GGNBP2: variants seen among roughly 807,000 people sequenced by gnomAD.
GGNBP2 encodes the protein gametogenetin-binding protein 2.
In GGNBP2, 10 loss-of-function variants were observed where a neutral mutation model predicts 85.9. The observed-to-expected ratio is 0.12, with a 90% CI of 0.07 to 0.20. GGNBP2 has a LOEUF of 0.20. GGNBP2 is among the 10% of genes least tolerant of loss of function. The probability of loss-of-function intolerance (pLI) is 1.00; values close to 1 mark genes in which losing one functional copy is unlikely to be tolerated. For synonymous variants in GGNBP2, 287 were observed against 285.7 expected (o/e 1.00, Z -0.05); for missense variants, 595 against 857.8 (o/e 0.69, Z 3.83).
chr17:36,558,070 C>T (rs2074380289), intron 4 of GGNBP2, among the ~76,000 whole-genome samples: 1 of 151,270 alleles, frequency 6.6e-6, no homozygotes, highest in African/African-American at 2.4e-5. Context: ...CGAGATCACG[C>T]CACTGCAGTC....
At chr17:36,577,688 G>A (rs991137375) in intron 6 of GGNBP2, 6 of 414,198 alleles carry the variant, frequency 1.4e-5, no homozygotes, top group Non-Finnish European at 2.2e-5. Flanking sequence ...CTAGTTCTTG[G>A]CAACTAATAC....
intron 6 of GGNBP2, chr17:36,574,663 GGC>G: frequency 1.7e-6 from 1 of 601,854 alleles, no homozygotes; most frequent in East Asian, 2.9e-5. Context: ...TGTAGCCCCT[GGC>G]TAAGGTGTAG....
chr17:36,574,982 TG>T (rs770297100), intron 6 of GGNBP2: 151 of 1,522,722 alleles, frequency 9.9e-5, no homozygotes, highest in Non-Finnish European at 1.3e-4. Context: ...CCTGGTGCGC[TG>T]GCCGGCACGG....
chr17:36,574,996 C>T (rs1555607464), intron 6 of GGNBP2: 3 of 1,532,008 alleles, frequency 2.0e-6, no homozygotes, highest in Non-Finnish European at 2.6e-6. Flanking sequence ...CGGCACGGGT[C>T]TGCTTCTGCA....
intron 6 of GGNBP2, among the ~76,000 whole-genome samples, chr17:36,570,088 C>A (rs2074508063): frequency 6.6e-6 from 1 of 152,098 alleles, no homozygotes. Flanking sequence ...TTCTTTAAAA[C>A]AAACATAGGC....
In GGNBP2 at chr17:36,545,638, GGCAGCGGCGGCGGCAGAAACA is replaced by G. The variant is rs1366786146; in HGVS notation, c.-72_-52del. 2.8e-5 allele frequency: 29 copies of G among 1,025,480 alleles called. No homozygotes were observed. The highest frequency in any genetic ancestry group is 5.2e-5 in the East Asian group (2 of 38,200). The allele number at this position is 1,025,480 out of a possible 1,614,324, so 63.5% of individuals were successfully genotyped here. ...TTGCAGGCAGGAGCTGGGAGGAGGC[GGCAGCGGCGGCGGCAGAAACA>G]GCAGCGGCGGCGGCGGCGGCAGCTG... On this transcript the variant is annotated 5_prime_UTR_variant, in exon 2 of 14. Coordinates refer to ENST00000613102, the MANE Select transcript of GGNBP2 (RefSeq NM_024835.5).
At chr17:36,587,930 C>T (rs2074719166) in intron 13 of GGNBP2, among the ~76,000 whole-genome samples, 2 of 152,160 alleles carry the variant, frequency 1.3e-5, no homozygotes. Context: ...AAGTCAGGAC[C>T]ATCTGTAGTT....
rs2074702233 is a variant in GGNBP2, at chr17:36,586,382, C to T, written c.1641+184C>T. On this transcript the variant is annotated intron_variant, in intron 12 of 13. Transcript: ENST00000613102. ...GGTTGGGGGCAGAGAGAGATGTGAT[C>T]ATTTGTGCAACAGTCCTTGTGAGTC... The T allele has an allele frequency of 6.3e-6, 4 of 632,766 alleles. No individual in the cohort carries two copies. In the East Asian group the frequency reaches 1.1e-4, roughly 18 times the overall value. 39.2% of individuals were successfully genotyped at this position (632,766 alleles called of 1,614,324 possible).
chr17:36,563,338 A>G (rs1042641317), intron 5 of GGNBP2, among the ~76,000 whole-genome samples: 9 of 152,156 alleles, frequency 5.9e-5, no homozygotes, highest in Non-Finnish European at 1.3e-4. Context: ...TAAAAAATAC[A>G]ATGATTGAAC....
chr17:36,584,031 A>G (rs935070888), intron 9 of GGNBP2, among the ~76,000 whole-genome samples: 45 of 152,248 alleles, frequency 3.0e-4, no homozygotes, highest in African/African-American at 1.1e-3. Flanking sequence ...TCCAAGTATT[A>G]GGAAGCTTCA....
rs767401357 is a variant in GGNBP2, at chr17:36,587,031, G to T, written c.1676G>T (p.Gly559Val). 6.2e-7 allele frequency: 1 copy of T among 1,613,600 alleles called. No individual in the cohort carries two copies. The change falls in exon 13 of 14, where the codon GGT (glycine) becomes GTT (valine). Residue 559 changes from glycine (G) to valine (V), a missense_variant. Physicochemically the swap from Gly to Val is moderately radical, Grantham distance 109. Coordinates refer to ENST00000613102, the MANE Select transcript of GGNBP2 (RefSeq NM_024835.5). ...QKLGSCITDP[G>V]NRETSGNTMH... is the part of the protein sequence containing the mutation. ...CTTGGAAGCTGTATTACAGATCCAG[G>T]TAATCGAGAGACCTCAGGAAATACC...
In GGNBP2 at chr17:36,587,153, C is replaced by T. The variant is rs1396252656; in HGVS notation, c.1798C>T (p.His600Tyr). Reference sequence around the variant, plus strand: ...TGGGCAGCCATTGCCTTGGTTTGAGCATAGGAAAAATGTACCACAGTTTGC... The same window carrying T: ...TGGGCAGCCATTGCCTTGGTTTGAGTATAGGAAAAATGTACCACAGTTTGC... ...KGGQPLPWFE[H>Y]RKNVPQFAEP... The change falls in exon 13 of 14, where the codon CAT becomes TAT. Residue 600 changes from histidine to tyrosine, a missense_variant. Physicochemically the swap from His to Tyr is moderately conservative, Grantham distance 83. Around this residue, in one of 9 missense-constraint regions of GGNBP2, gnomAD observed 120 missense variants for 126.3 expected, o/e 0.95. Transcript: ENST00000613102. 1.2e-6 allele frequency: 2 copies of T among 1,614,044 alleles called. No homozygotes were observed. The highest frequency in any genetic ancestry group is 1.7e-5 in the Admixed American group (1 of 59,998).
chr17:36,565,666 T>C (rs1460069587), intron 5 of GGNBP2, among the ~76,000 whole-genome samples: 1 of 151,976 alleles, frequency 6.6e-6, no homozygotes, highest in Admixed American at 6.6e-5. Context: ...GGGAGGCCGA[T>C]GCAGGCAGAT....
At position 36,585,958 on chromosome 17, in the gene GGNBP2, T is replaced by G. The variant is rs758067214; in HGVS notation, c.1485T>G (p.Asp495Glu). ...GCACTGAAGGCATTTGTAATCATGATGAACACGGTAGGCTCACATTAAGTT... is the reference window on the plus strand; with the variant it reads ...GCACTGAAGGCATTTGTAATCATGAGGAACACGGTAGGCTCACATTAAGTT... ...VACTEGICNH[D>E]EHGDDSCVHH... Residue 495 changes from aspartate (D) to glutamate (E), a missense_variant, in exon 11 of 14, where the codon GAT becomes GAG. This residue lies in a region of GGNBP2 where 35 missense variants were observed against 49.6 expected (regional missense o/e 0.71). Transcript: ENST00000613102. 4.3e-6 allele frequency: 7 copies of G among 1,614,220 alleles called. No homozygotes were observed. The South Asian group carries it at 7.7e-5, about 18-fold the overall frequency.
chr17:36,586,057 C>G lies in GGNBP2; in HGVS notation c.1500C>G (p.Asp500Glu). The G allele has an allele frequency of 1.9e-6, 3 of 1,613,320 alleles. No individual in the cohort carries two copies. Among genetic ancestry groups the G allele is most frequent in the Non-Finnish European group, 2.5e-6 (3 of 1,179,346 alleles). ...GATTATTGATTTCTGCAGGTGATGACTCTTGTGTTCATCACTGTGAAGACA... is the reference window on the plus strand; with the variant it reads ...GATTATTGATTTCTGCAGGTGATGAGTCTTGTGTTCATCACTGTGAAGACA... ...GICNHDEHGD[D>E]SCVHHCEDKE... is the part of the protein sequence containing the mutation. The change falls in exon 12 of 14, where the codon GAC becomes GAG. Residue 500 changes from aspartate to glutamate, a missense_variant. Asp to Glu is a conservative substitution (Grantham distance 45, BLOSUM62 2). Around this residue, in one of 9 missense-constraint regions of GGNBP2, gnomAD observed 35 missense variants for 49.6 expected, o/e 0.71. Coordinates refer to ENST00000613102, the MANE Select transcript of GGNBP2 (RefSeq NM_024835.5).
chr17:36,573,376 G>A (rs1555607162), intron 6 of GGNBP2, among the ~76,000 whole-genome samples: 2 of 152,158 alleles, frequency 1.3e-5, no homozygotes, highest in African/African-American at 4.8e-5. Flanking sequence ...GTCTCCCAAA[G>A]TGCTGGGATT....
At chr17:36,579,487 A>T (rs2074624322) in intron 8 of GGNBP2, 68 bp downstream of exon 8, 1 of 1,357,934 alleles carries the variant, frequency 7.4e-7, no homozygotes, top group Admixed American at 1.8e-5. Context: ...ATCTTAATGT[A>T]AGCCACCAGT....
chr17:36,561,969 T>C (rs1040088219), intron 5 of GGNBP2, among the ~76,000 whole-genome samples: 1 of 152,112 alleles, frequency 6.6e-6, no homozygotes, highest in Non-Finnish European at 1.5e-5. Flanking sequence ...TTTGTAGTTT[T>C]CTTCTTGATT....
intron 7 of GGNBP2, 195 bp downstream of exon 7, chr17:36,578,381 T>G (rs923896714): frequency 3.8e-6 from 2 of 530,186 alleles, no homozygotes; most frequent in Non-Finnish European, 3.3e-6. Flanking sequence ...TGTTCTCTGG[T>G]GTTTGGTTCA....
Sources: allele counts gnomAD v4.1 joint callset (sites outside exome capture counted in the v4.1 genomes callset), GRCh38; gene constraint gnomAD v4.1.1; regional missense constraint gnomAD v4.1.1; transcripts MANE v1.5; gene names NCBI Gene and HGNC (gene_info 2026-07-23, HGNC 2026-07-21).